NRG1: variants seen among roughly 807,000 people sequenced by gnomAD.
NRG1 encodes neuregulin 1.
In NRG1, 18 loss-of-function variants were observed where a neutral mutation model predicts 63.8. The ratio of observed to expected loss-of-function variants is 0.28; its 90% CI spans 0.19 to 0.42. NRG1 has a LOEUF of 0.42. Ranked by LOEUF, NRG1 falls within the 10% of genes least tolerant of loss-of-function variation. The pLI, the probability that NRG1 is intolerant of heterozygous loss-of-function variation, is 1.00. For synonymous variants in NRG1, 302 were observed against 301.3 expected, an observed-to-expected ratio of 1.00 and a Z score of -0.02; for missense variants, 762 against 814.7, an observed-to-expected ratio of 0.94 and a Z score of 0.79.
At chr8:31,745,131 A>C (rs1376875810) in intron 1 of NRG1, among the ~76,000 whole-genome samples, 1 of 151,974 alleles carries the variant, frequency 6.6e-6, no homozygotes, top group Admixed American at 6.6e-5. Flanking sequence ...AAGTAGAGTT[A>C]AGAGGAAGAG....
intron 1 of NRG1, among the ~76,000 whole-genome samples, chr8:32,334,996 G>C (rs1339130948): frequency 2.0e-5 from 3 of 152,076 alleles, no homozygotes; most frequent in Non-Finnish European, 4.4e-5. Flanking sequence ...TGCACGTCCA[G>C]TGTTATTATT....
At chr8:32,243,308 C>T (rs1009354596) in intron 1 of NRG1, among the ~76,000 whole-genome samples, 5 of 151,818 alleles carry the variant, frequency 3.3e-5, no homozygotes, top group African/African-American at 1.2e-4. Flanking sequence ...CCTATAGTTC[C>T]AGCTATTTCT....
At chr8:32,015,857 T>G (rs1176637529) in intron 1 of NRG1, among the ~76,000 whole-genome samples, 1 of 152,068 alleles carries the variant, frequency 6.6e-6, no homozygotes, top group Non-Finnish European at 1.5e-5. Flanking sequence ...CTTGTTTGTT[T>G]TTTTTTTTAT....
intron 1 of NRG1, among the ~76,000 whole-genome samples, chr8:31,898,771 A>G (rs1437785456): frequency 2.0e-5 from 3 of 152,200 alleles, no homozygotes; most frequent in African/African-American, 7.2e-5. Context: ...GGTAAAGATG[A>G]TGGGACAGTG....
At chr8:32,083,458 A>G (rs1267538942) in intron 1 of NRG1, among the ~76,000 whole-genome samples, 1 of 152,112 alleles carries the variant, frequency 6.6e-6, no homozygotes, top group East Asian at 1.9e-4. Flanking sequence ...AGGTAAAATG[A>G]ATGGTGGATT....
intron 5 of NRG1, among the ~76,000 whole-genome samples, chr8:32,695,236 G>T (rs1258652019): frequency 2.0e-5 from 3 of 152,042 alleles, no homozygotes; most frequent in Non-Finnish European, 2.9e-5. Flanking sequence ...AGCTACTGAG[G>T]AGGCTGAGGC....
chr8:32,319,809 T>A (rs1488404762), intron 1 of NRG1, among the ~76,000 whole-genome samples: 2 of 152,188 alleles, frequency 1.3e-5, no homozygotes, highest in African/African-American at 4.8e-5. Flanking sequence ...ATAATTTTTA[T>A]ATTATCTCTA....
intron 1 of NRG1, among the ~76,000 whole-genome samples, chr8:32,426,080 G>A (rs1817327228): frequency 6.6e-6 from 1 of 152,118 alleles, no homozygotes; most frequent in African/African-American, 2.4e-5. Context: ...TAATAAGTAA[G>A]AGCAATCAGA....
intron 1 of NRG1, among the ~76,000 whole-genome samples, chr8:31,832,249 G>GTTTTTTTTTTTT (rs5890599): frequency 7.3e-6 from 1 of 136,142 alleles, no homozygotes; most frequent in Non-Finnish European, 1.6e-5. Context: ...AAATGCTCTA[G>GTTTTTTTTTTTT]TTTTTTTTTT....
intron 1 of NRG1, among the ~76,000 whole-genome samples, chr8:32,112,160 G>C (rs955294870): frequency 6.6e-6 from 1 of 152,142 alleles, no homozygotes; most frequent in African/African-American, 2.4e-5. Flanking sequence ...AACAGCAAAG[G>C]ATCACTGAAA....
intron 4 of NRG1, among the ~76,000 whole-genome samples, 198 bp from the exon 5 acceptor site, chr8:32,616,637 G>C (rs576955592): frequency 6.6e-6 from 1 of 152,054 alleles, no homozygotes; most frequent in African/African-American, 2.4e-5. Flanking sequence ...CCTTTTAAAA[G>C]TCTTTGGGTC....
chr8:32,739,407 C>A (rs991148064), intron 6 of NRG1, among the ~76,000 whole-genome samples: 1 of 152,128 alleles, frequency 6.6e-6, no homozygotes, highest in Non-Finnish European at 1.5e-5. Context: ...AAATTCATCT[C>A]CCAAATGAAG....
chr8:31,800,348 G>A (rs948997156), intron 1 of NRG1, among the ~76,000 whole-genome samples: 1 of 152,186 alleles, frequency 6.6e-6, no homozygotes, highest in African/African-American at 2.4e-5. Flanking sequence ...CTGGTCAGGT[G>A]AAAACAAGCA....
chr8:32,082,253 T>C (rs1827573591), intron 1 of NRG1, among the ~76,000 whole-genome samples: 1 of 151,906 alleles, frequency 6.6e-6, no homozygotes, highest in Non-Finnish European at 1.5e-5. Context: ...TGCAGATTTG[T>C]TATATAGGTA....
chr8:31,784,435 A>G (rs1010793281), intron 1 of NRG1, among the ~76,000 whole-genome samples: 2 of 152,202 alleles, frequency 1.3e-5, no homozygotes, highest in Non-Finnish European at 2.9e-5. Context: ...GTAAAGATAA[A>G]TGTAATTGTT....
At chr8:32,732,449 C>T (rs1823916170) in intron 6 of NRG1, among the ~76,000 whole-genome samples, 1 of 152,042 alleles carries the variant, frequency 6.6e-6, no homozygotes, top group African/African-American at 2.4e-5. Context: ...TATTTTATAT[C>T]AGGCTGTGCT....
intron 1 of NRG1, among the ~76,000 whole-genome samples, chr8:32,086,348 T>G (rs1828217275): frequency 1.3e-5 from 2 of 152,224 alleles, no homozygotes. Flanking sequence ...ACAAGGTGTT[T>G]CTGAGAGTGT....
chr8:32,300,476 C>T (rs1855458979), intron 1 of NRG1, among the ~76,000 whole-genome samples: 1 of 152,136 alleles, frequency 6.6e-6, no homozygotes, highest in South Asian at 2.1e-4. Flanking sequence ...CCAAGAATCT[C>T]TAAAGACACT....
intron 1 of NRG1, among the ~76,000 whole-genome samples, chr8:31,714,208 TTTTTC>T (rs146837830): frequency 0.068 from 10,364 of 152,110 alleles, 1,140 homozygotes; most frequent in African/African-American, 0.23. Context: ...TTTCCTCATT[TTTTTC>T]TTTTCTTTGT....
Sources: allele counts gnomAD v4.1 joint callset (sites outside exome capture counted in the v4.1 genomes callset), GRCh38; gene constraint gnomAD v4.1.1; transcripts MANE v1.5; gene names NCBI Gene and HGNC (gene_info 2026-07-23, HGNC 2026-07-21).